Variants in LHX4 observed in about 807,000 individuals in gnomAD.
The protein encoded by LHX4 is LIM homeobox 4, also known as LIM/homeobox protein Lhx4.
In LHX4, 16 loss-of-function variants were observed where a neutral mutation model predicts 39.2. The observed-to-expected ratio is 0.41, with a 90% CI of 0.28 to 0.62. LHX4 has a LOEUF of 0.62. LHX4 is among the 20% of genes least tolerant of loss of function. The probability of loss-of-function intolerance (pLI) is 0.33; values close to 1 mark genes in which losing one functional copy is unlikely to be tolerated. For missense variants in LHX4, 439 were observed against 511.9 expected (o/e 0.86, Z 1.37); for synonymous variants, 206 against 198.1 (o/e 1.04, Z -0.33).
At chr1:180,259,723 C>T (rs1648027360) in intron 2 of LHX4, among the ~76,000 whole-genome samples, 1 of 151,568 alleles carries the variant, frequency 6.6e-6, no homozygotes, top group Non-Finnish European at 1.5e-5. Flanking sequence ...AGGGCAGGGT[C>T]CAGGGTGTGT....
At chr1:180,250,043 C>T (rs1163396559) in intron 2 of LHX4, among the ~76,000 whole-genome samples, 23 of 152,096 alleles carry the variant, frequency 1.5e-4, no homozygotes, top group Non-Finnish European at 3.4e-4. Context: ...CATGGGTGCC[C>T]GGCAAGTCCT....
chr1:180,261,174 C>T (rs528523785), intron 2 of LHX4, among the ~76,000 whole-genome samples: 12 of 147,324 alleles, frequency 8.1e-5, no homozygotes, highest in South Asian at 6.5e-4. Flanking sequence ...GAGGAGGCGG[C>T]GAGCAGGTGT....
chr1:180,260,535 G>A (rs908954896), intron 2 of LHX4, among the ~76,000 whole-genome samples: 1 of 151,844 alleles, frequency 6.6e-6, no homozygotes, highest in Non-Finnish European at 1.5e-5. Context: ...CTGGGACCCA[G>A]CACACAAGAC....
intron 1 of LHX4, among the ~76,000 whole-genome samples, chr1:180,245,588 A>G (rs1647351414): frequency 6.6e-6 from 1 of 152,220 alleles, no homozygotes; most frequent in South Asian, 2.1e-4. Context: ...GCCCACGAAC[A>G]TGGGTGCCTA....
chr1:180,232,638 G>C lies in LHX4; in HGVS notation c.76+2033G>C, dbSNP rs575407960. Among the ~76,000 whole-genome samples, 10 of 152,292 alleles carry C rather than the reference G, an allele frequency of 6.6e-5. No homozygotes were observed. The East Asian group carries it at 1.9e-3, about 29-fold the overall frequency. On this transcript the variant is annotated intron_variant, in intron 1 of 5. Transcript: ENST00000263726. The surrounding 1 kb of genome is among the most constrained non-coding windows in gnomAD (Gnocchi z 5.4). Reference sequence around the variant, plus strand: ...GGAGGAGGCATCGGCCAAAATTGAGGGGCCCACTCCCTGAAGACTTCTGGA... The same window carrying C: ...GGAGGAGGCATCGGCCAAAATTGAGCGGCCCACTCCCTGAAGACTTCTGGA...
At chr1:180,245,516 G>A (rs371626035) in intron 1 of LHX4, among the ~76,000 whole-genome samples, 1 of 152,222 alleles carries the variant, frequency 6.6e-6, no homozygotes, top group Admixed American at 6.5e-5. Flanking sequence ...GCGGCCACTC[G>A]GCCTCCACGG....
chr1:180,229,592 C>G (rs11583176), upstream of LHX4, among the ~76,000 whole-genome samples: 63,297 of 151,912 alleles, frequency 0.42, 13,563 homozygotes, highest in African/African-American at 0.45. Context: ...TGGGAAGTGC[C>G]GGCAGGAAAG....
upstream of LHX4, among the ~76,000 whole-genome samples, chr1:180,229,878 C>A (rs948138823): frequency 5.3e-5 from 8 of 151,068 alleles, no homozygotes; most frequent in African/African-American, 1.9e-4. Context: ...TCTCCGACCA[C>A]CTGCTGCCGC....
chr1:180,270,514 C>T (rs754594640), intron 3 of LHX4: 12 of 152,274 alleles, frequency 7.9e-5, no homozygotes, highest in Admixed American at 7.2e-4. Flanking sequence ...ACGCGCCTCT[C>T]TCTGTACCTG....
intron 3 of LHX4, chr1:180,270,241 A>T (rs1648561264): frequency 6.6e-6 from 1 of 152,256 alleles, no homozygotes; most frequent in Non-Finnish European, 1.5e-5. Flanking sequence ...GGTAGGTGCT[A>T]ACACATGTTG....
At chr1:180,253,924 C>G (rs947342140) in intron 2 of LHX4, among the ~76,000 whole-genome samples, 1 of 152,118 alleles carries the variant, frequency 6.6e-6, no homozygotes, top group Non-Finnish European at 1.5e-5. Context: ...CCTGGCAGAA[C>G]GGGGTGGGCT....
At chr1:180,254,941 C>T (rs1350662789) in intron 2 of LHX4, among the ~76,000 whole-genome samples, 8 of 152,278 alleles carry the variant, frequency 5.3e-5, no homozygotes, top group East Asian at 3.9e-4. Flanking sequence ...CTGGCAAGGA[C>T]GGGGTCCTGG....
At chr1:180,270,873 CAAGCTCACCCCTGGCTGTG>C (rs150422086) in intron 3 of LHX4, 13,254 of 221,958 alleles carry the variant, frequency 0.06, 543 homozygotes, top group Non-Finnish European at 0.077. Context: ...GTTGGGTGTG[CAAGCTCACCCCTGGCTGTG>C]AGCCCAGCGA....
At chr1:180,254,785 TACTG>T (rs1647774946) in intron 2 of LHX4, among the ~76,000 whole-genome samples, 1 of 152,082 alleles carries the variant, frequency 6.6e-6, no homozygotes, top group Non-Finnish European at 1.5e-5. Context: ...GGAAGAAAAA[TACTG>T]ACTTTTCTGA....
In LHX4 at chr1:180,243,884, A is replaced by G. The variant is rs142510198; in HGVS notation, c.77-4401A>G. ...GAGACTCTCTCTGCCACAATTTCCT[A>G]TCTAAAAAAATGACAGGCTCAAGCC... is the stretch of plus-strand genomic sequence containing the variant. On this transcript the variant is annotated intron_variant, in intron 1 of 5. Coordinates refer to ENST00000263726, the MANE Select transcript of LHX4 (RefSeq NM_033343.4). Among the ~76,000 whole-genome samples, 881 of 152,234 alleles carry G rather than the reference A, an allele frequency of 5.8e-3. 1 individual carries two copies. Among genetic ancestry groups the G allele is most frequent in the Middle Eastern group, 0.01 (3 of 294 alleles).
rs77395842 is a variant in LHX4, at chr1:180,266,739, A to T, written c.451+145A>T. On this transcript the variant is annotated intron_variant, in intron 3 of 5. Coordinates refer to ENST00000263726, the MANE Select transcript of LHX4 (RefSeq NM_033343.4). The surrounding 1 kb of genome is among the most constrained non-coding windows in gnomAD (Gnocchi z 5.7). ...CCGCCACCTCTGAGAAGCGTCCCAG[A>T]TCTCCACACTGAGAGTAAATGCTGA... 1.2e-3 allele frequency: 925 copies of T among 788,176 alleles called. 2 individuals carry two copies. The African/African-American group carries it at 0.014, about 12-fold the overall frequency. The allele number at this position is 788,176 out of a possible 1,614,324, so 48.8% of individuals were successfully genotyped here.
chr1:180,244,031 G>T (rs527611708), intron 1 of LHX4, among the ~76,000 whole-genome samples: 1 of 152,138 alleles, frequency 6.6e-6, no homozygotes, highest in African/African-American at 2.4e-5. Flanking sequence ...TGGGCACATC[G>T]CCTGATCTCG....
chr1:180,231,179 T>A (rs1004671645), intron 1 of LHX4, among the ~76,000 whole-genome samples: 1 of 151,590 alleles, frequency 6.6e-6, no homozygotes, highest in African/African-American at 2.4e-5. Context: ...GGAAACTGAC[T>A]GCTCCTTGTG....
At chr1:180,249,256 A>G (rs1040753964) in intron 2 of LHX4, among the ~76,000 whole-genome samples, 14 of 152,248 alleles carry the variant, frequency 9.2e-5, no homozygotes, top group African/African-American at 3.4e-4. Context: ...ACTGTCTGAG[A>G]TTTTCCTTTC....
Sources: allele counts gnomAD v4.1 joint callset (sites outside exome capture counted in the v4.1 genomes callset), GRCh38; gene constraint gnomAD v4.1.1; non-coding constraint Gnocchi (gnomAD v3.1); transcripts MANE v1.5; gene names NCBI Gene and HGNC (gene_info 2026-07-23, HGNC 2026-07-21).